The following GPD2 variants were observed in gnomAD, a reference collection of about 807,000 sequenced individuals.
GPD2 encodes glycerol-3-phosphate dehydrogenase 2.
A neutral mutation model predicts 82.4 loss-of-function variants in GPD2; 54 were observed. That is an observed-to-expected ratio of 0.66 (90% CI 0.53 to 0.82). The LOEUF (loss-of-function observed/expected upper bound fraction) is 0.82, where lower values mean the gene tolerates loss of function less well. Ranked by LOEUF, GPD2 falls within the 40% of genes least tolerant of loss-of-function variation. GPD2 has a pLI of 0.00. For missense variants in GPD2, 748 were observed against 896.2 expected (o/e 0.83, Z 2.11); for synonymous variants, 288 against 306.1 (o/e 0.94, Z 0.62).
chr2:156,460,305 A>G (rs1682945600), intron 1 of GPD2, among the ~76,000 whole-genome samples: 1 of 152,170 alleles, frequency 6.6e-6, no homozygotes, highest in Non-Finnish European at 1.5e-5. Context: ...TTGAGCTGGA[A>G]TTGAAATGCA....
the GPD2 span, among the ~76,000 whole-genome samples, chr2:156,414,479 G>A: frequency 6.6e-6 from 1 of 152,102 alleles, no homozygotes; most frequent in Admixed American, 6.5e-5. Flanking sequence ...GATTCATAAT[G>A]CTTCTTATAG....
At chr2:156,442,756 A>C (rs298301) in intron 1 of GPD2, among the ~76,000 whole-genome samples, 1 of 151,990 alleles carries the variant, frequency 6.6e-6, no homozygotes, top group Non-Finnish European at 1.5e-5. Flanking sequence ...CCATGATTGC[A>C]TTACTGCACT....
chr2:156,525,927 T>C (rs958114362), intron 6 of GPD2, among the ~76,000 whole-genome samples: 2 of 152,214 alleles, frequency 1.3e-5, no homozygotes, highest in Non-Finnish European at 2.9e-5. Context: ...TAAAATTAAC[T>C]TAAAAAATTT....
the GPD2 span, among the ~76,000 whole-genome samples, chr2:156,406,814 C>T: frequency 6.6e-6 from 1 of 152,156 alleles, no homozygotes; most frequent in Admixed American, 6.5e-5. Context: ...GCTCTTTCTT[C>T]TTCTTCTTCC....
chr2:156,513,263 T>C, intron 5 of GPD2, 70 bp from the exon 6 acceptor site: 2 of 1,060,798 alleles, frequency 1.9e-6, no homozygotes, highest in Non-Finnish European at 3.0e-6. Flanking sequence ...AAGTGTCTTG[T>C]AGTGTAAGGT....
intron 2 of GPD2, among the ~76,000 whole-genome samples, chr2:156,476,753 CT>C (rs1210681341): frequency 2.0e-5 from 3 of 151,584 alleles, no homozygotes; most frequent in Non-Finnish European, 4.4e-5. Context: ...AGTTTGTTTT[CT>C]TTTTTTTTCT....
At position 156,499,944 on chromosome 2, in the gene GPD2, A is replaced by G. The variant is rs374157083; in HGVS notation, c.274+3729A>G. Among the ~76,000 whole-genome samples the G allele has an allele frequency of 3.9e-5, 6 of 152,144 alleles. No individual in the cohort carries two copies. In the East Asian group the frequency reaches 1.2e-3, roughly 29 times the overall value. The stretch of plus-strand genomic sequence containing the variant: ...GCAGTTTATTACTATTTATTGAACA[A>G]ATAAACTTTTTCTTCTGGCAGTGAA... On this transcript the variant is annotated intron_variant, in intron 3 of 16. Coordinates refer to ENST00000438166, the MANE Select transcript of GPD2 (RefSeq NM_000408.5).
At chr2:156,456,305 A>AT (rs1682785441) in intron 1 of GPD2, among the ~76,000 whole-genome samples, 1 of 152,170 alleles carries the variant, frequency 6.6e-6, no homozygotes, top group Non-Finnish European at 1.5e-5. Flanking sequence ...AGGTTTCTTC[A>AT]AATGTTGGTC....
At chr2:156,450,169 AG>A (rs1364419790) in intron 1 of GPD2, among the ~76,000 whole-genome samples, 4 of 152,218 alleles carry the variant, frequency 2.6e-5, no homozygotes, top group Non-Finnish European at 1.5e-5. Context: ...CTTACTGAGA[AG>A]GGGAGAGCTG....
chr2:156,536,209 A>C (rs1457953945), intron 6 of GPD2, among the ~76,000 whole-genome samples: 1 of 152,228 alleles, frequency 6.6e-6, no homozygotes, highest in Non-Finnish European at 1.5e-5. Flanking sequence ...GTTGTTTTAC[A>C]AAAGCATCTT....
At chr2:156,510,254 C>T (rs1434349097) in intron 3 of GPD2, among the ~76,000 whole-genome samples, 3 of 151,960 alleles carry the variant, frequency 2.0e-5, no homozygotes, top group Non-Finnish European at 2.9e-5. Flanking sequence ...TTCTTTCTTT[C>T]CTTTCTTTGC....
At chr2:156,435,757 C>T (rs1200624548), upstream of GPD2, 1 of 152,308 alleles carries the variant, frequency 6.6e-6, no homozygotes, top group African/African-American at 2.4e-5. Flanking sequence ...CCGGGAGGTA[C>T]AGAGTAGGAG....
chr2:156,569,497 C>T lies in GPD2; in HGVS notation c.1435C>T (p.Leu479Phe), dbSNP rs200074868. 6 of 1,613,038 alleles carry T rather than the reference C, an allele frequency of 3.7e-6. No homozygotes were observed. The highest frequency in any genetic ancestry group is 5.1e-6 in the Non-Finnish European group (6 of 1,179,172). Residue 479 changes from leucine (L) to phenylalanine (F), a missense_variant, in exon 11 of 17, where the codon CTC (leucine) becomes TTC (phenylalanine). Physicochemically the swap from Leu to Phe is conservative, Grantham distance 22. Coordinates refer to ENST00000438166, the MANE Select transcript of GPD2 (RefSeq NM_000408.5). ...AGGGGGTAAAGATTGGAGCCCCACA[C>T]TCTACATTAGGCTTGTGCAGGATTA... ...LQGGKDWSPT[L>F]YIRLVQDYGL...
intron 6 of GPD2, among the ~76,000 whole-genome samples, chr2:156,547,559 G>T (rs1347646482): frequency 4.6e-5 from 7 of 152,182 alleles, no homozygotes; most frequent in Admixed American, 4.6e-4. Flanking sequence ...AGTCAAGACA[G>T]CTGCTGCTGG....
chr2:156,414,735 G>A, the GPD2 span, among the ~76,000 whole-genome samples: 15 of 152,068 alleles, frequency 9.9e-5, no homozygotes, highest in African/African-American at 3.6e-4. Flanking sequence ...ATTGGGACTA[G>A]CATTACTTTA....
At chr2:156,451,528 C>G (rs1337171108) in intron 1 of GPD2, among the ~76,000 whole-genome samples, 1 of 120,072 alleles carries the variant, frequency 8.3e-6, no homozygotes, top group Non-Finnish European at 1.8e-5. Flanking sequence ...GCTGACCCCC[C>G]CACCTCCCTC....
chr2:156,480,315 G>T (rs1291654568), intron 2 of GPD2, among the ~76,000 whole-genome samples: 1 of 152,182 alleles, frequency 6.6e-6, no homozygotes, highest in African/African-American at 2.4e-5. Context: ...AGATGGGAAG[G>T]TTGGGATGGG....
At chr2:156,405,650 G>A in the GPD2 span, among the ~76,000 whole-genome samples, 1 of 152,162 alleles carries the variant, frequency 6.6e-6, no homozygotes, top group Admixed American at 6.5e-5. Flanking sequence ...AGTAGGCAGT[G>A]ATTTCATTAT....
chr2:156,531,550 C>A (rs1183005036), intron 6 of GPD2, among the ~76,000 whole-genome samples: 1 of 152,218 alleles, frequency 6.6e-6, no homozygotes, highest in Non-Finnish European at 1.5e-5. Context: ...TGTAGCAAAG[C>A]CGGACCTTAT....
Sources: allele counts gnomAD v4.1 joint callset (sites outside exome capture counted in the v4.1 genomes callset), GRCh38; gene constraint gnomAD v4.1.1; transcripts MANE v1.5; gene names NCBI Gene and HGNC (gene_info 2026-07-23, HGNC 2026-07-21).